CACTIN: variants seen among roughly 807,000 people sequenced by gnomAD.
The protein encoded by CACTIN is cactin, spliceosome C complex subunit.
A neutral mutation model predicts 84.9 loss-of-function variants in CACTIN; 20 were observed. The observed-to-expected ratio is 0.24, with a 90% CI of 0.17 to 0.34. The LOEUF (loss-of-function observed/expected upper bound fraction) is 0.34. CACTIN is among the 10% of genes least tolerant of loss of function. CACTIN has a pLI of 1.00. For missense variants in CACTIN, 897 were observed against 1,117.2 expected, an observed-to-expected ratio of 0.80 and a Z score of 2.81; for synonymous variants, 549 against 467.9, an observed-to-expected ratio of 1.17 and a Z score of -2.24.
intron 7 of CACTIN, 62 bp from the exon 8 acceptor site, chr19:3,613,648 C>G (rs1223249917): frequency 4.5e-6 from 7 of 1,546,840 alleles, no homozygotes; most frequent in Non-Finnish European, 6.1e-6. Context: ...CCACCCCCAC[C>G]GAGATTCTCA....
intron 5 of CACTIN, 27 bp from the exon 6 acceptor site, chr19:3,619,016 C>T: frequency 6.5e-7 from 1 of 1,550,070 alleles, no homozygotes; most frequent in Non-Finnish European, 8.7e-7. Flanking sequence ...GGGGTCAGGA[C>T]ACGGGTGTGG....
rs1250012600 is a variant in CACTIN, at chr19:3,612,283, C to T, written c.1917G>A (p.Arg639=). 13 of 1,612,948 alleles carry T rather than the reference C, an allele frequency of 8.1e-6. No individual in the cohort carries two copies. The highest frequency in any genetic ancestry group is 1.1e-5 in the Non-Finnish European group (13 of 1,179,904). Residue 639 remains arginine, a synonymous_variant, in exon 10 of 10, where the codon CGG becomes CGA. Transcript: ENST00000429344. ...GGTTGAAGAAGCGCGGCTTGCGTGG[C>T]CGGTACTTGTCGGCCCACAGGTAGG... ...GKAYLWADKY[R]PRKPRFFNRV...
intron 2 of CACTIN, among the ~76,000 whole-genome samples, chr19:3,622,360 T>A (rs1446254265): frequency 6.0e-5 from 4 of 66,774 alleles, no homozygotes; most frequent in Non-Finnish European, 9.9e-5. Context: ...TGAGACTCCA[T>A]CTCAAAAAAA....
intron 9 of CACTIN, chr19:3,612,640 G>C (rs1203553737): frequency 3.0e-5 from 22 of 724,964 alleles, no homozygotes; most frequent in Non-Finnish European, 3.8e-5. Flanking sequence ...TCCTGGGTGG[G>C]GACCAAGCGC....
intron 1 of CACTIN, 84 bp from the exon 2 acceptor site, chr19:3,624,246 C>A (rs1260899337): frequency 2.1e-5 from 26 of 1,260,074 alleles, no homozygotes; most frequent in Non-Finnish European, 2.4e-5. Context: ...CGTGGGGGAG[C>A]AGGCACTGTT....
At position 3,614,253 on chromosome 19, in the gene CACTIN, C is replaced by T. The variant is rs113992423; in HGVS notation, c.1355+144G>A. 3.5e-6 allele frequency: 3 copies of T among 868,790 alleles called. No homozygotes were observed. In the African/African-American group the frequency reaches 5.0e-5, roughly 14 times the overall value. 53.8% of individuals were successfully genotyped at this position (868,790 alleles called of 1,614,324 possible). A position where few individuals can be genotyped will look rare whatever the true frequency, so the allele number is the denominator to read the frequency against. On this transcript the variant is annotated intron_variant, in intron 7 of 9. Coordinates refer to ENST00000429344, the MANE Select transcript of CACTIN (RefSeq NM_001080543.2). Reference sequence around the variant, plus strand: ...CCCCCTTCGTCACTCACAGGCTGGCCCCGGCCAGTCGGCACTTTCCTGCCC... The same window carrying T: ...CCCCCTTCGTCACTCACAGGCTGGCTCCGGCCAGTCGGCACTTTCCTGCCC...
At chr19:3,613,802 A>T in intron 7 of CACTIN, 1 of 608,340 alleles carries the variant, frequency 1.6e-6, no homozygotes, top group Non-Finnish European at 2.8e-6. Flanking sequence ...GAACCATCCC[A>T]TGGCAGGGAG....
At chr19:3,614,171 G>A (rs1476347964) in intron 7 of CACTIN, among the ~76,000 whole-genome samples, 1 of 152,156 alleles carries the variant, frequency 6.6e-6, no homozygotes, top group Non-Finnish European at 1.5e-5. Context: ...TCCAGGTGAG[G>A]GCACTGGAGC....
chr19:3,623,506 G>C (rs2033268051), intron 2 of CACTIN, among the ~76,000 whole-genome samples, 182 bp downstream of exon 2: 1 of 152,236 alleles, frequency 6.6e-6, no homozygotes, highest in African/African-American at 2.4e-5. Context: ...TCCAGCCTGG[G>C]CGACAGAGCG....
chr19:3,618,322 A>G (rs2033149906), intron 6 of CACTIN, among the ~76,000 whole-genome samples: 1 of 152,132 alleles, frequency 6.6e-6, no homozygotes, highest in Non-Finnish European at 1.5e-5. Flanking sequence ...AGCAGTGTCC[A>G]GGACGGCCCC....
chr19:3,612,520 A>G, intron 9 of CACTIN, 107 bp from the exon 10 acceptor site: 1 of 1,431,990 alleles, frequency 7.0e-7, no homozygotes, highest in Non-Finnish European at 9.2e-7. Flanking sequence ...GCAAAAGGAA[A>G]ACAGGCTGGG....
At chr19:3,618,428 G>A (rs567333392) in intron 6 of CACTIN, among the ~76,000 whole-genome samples, 1 of 152,220 alleles carries the variant, frequency 6.6e-6, no homozygotes, top group South Asian at 2.1e-4. Context: ...ACACGGAGGG[G>A]GGGGAAACGT....
At chr19:3,616,403 G>T (rs1185770376) in intron 6 of CACTIN, 1 of 152,204 alleles carries the variant, frequency 6.6e-6, no homozygotes, top group African/African-American at 2.4e-5. Context: ...GAGGTCAGGA[G>T]ATCAAGACCA....
In CACTIN at chr19:3,618,069, C is replaced by T. The variant is rs56695698; in HGVS notation, c.1162+806G>A. ...AGGGAGGGCAGGGGAAGGACCGGGT[C>T]TATCGACAGGGATGCGTGGCCCATG... On this transcript the variant is annotated intron_variant, in intron 6 of 9. Coordinates refer to ENST00000429344, the MANE Select transcript of CACTIN (RefSeq NM_001080543.2). 1.0e-3 allele frequency among the ~76,000 whole-genome samples: 155 copies of T among 151,956 alleles called. 1 individual carries two copies. Among genetic ancestry groups the T allele is most frequent in the African/African-American group, 2.9e-3 (120 of 41,384 alleles).
At chr19:3,620,971 C>G (rs2033211681) in intron 2 of CACTIN, 169 bp from the exon 3 acceptor site, 2 of 702,006 alleles carry the variant, frequency 2.8e-6, no homozygotes, top group Admixed American at 2.0e-5. Context: ...CCCAGTGCAT[C>G]CAATTCAGTG....
intron 2 of CACTIN, among the ~76,000 whole-genome samples, chr19:3,623,267 C>G (rs536802618): frequency 6.8e-6 from 1 of 146,540 alleles, no homozygotes; most frequent in Admixed American, 6.8e-5. Context: ...TGGTGGCTCA[C>G]GCCTGTAATC....
At chr19:3,621,455 G>C (rs1177207834) in intron 2 of CACTIN, among the ~76,000 whole-genome samples, 1 of 152,212 alleles carries the variant, frequency 6.6e-6, no homozygotes, top group African/African-American at 2.4e-5. Flanking sequence ...CGCCATGAGG[G>C]GGTTCCAGGA....
intron 7 of CACTIN, chr19:3,614,059 C>T (rs1376570272): frequency 4.1e-6 from 2 of 492,384 alleles, no homozygotes; most frequent in Non-Finnish European, 7.4e-6. Context: ...GACAGGCAGG[C>T]CGCCTGGGGG....
chr19:3,619,218 C>G lies in CACTIN; in HGVS notation c.909G>C (p.Gly303=), dbSNP rs781611144. The change falls in exon 5 of 10, where the codon GGG becomes GGC. Residue 303 remains glycine, a synonymous_variant. Coordinates refer to ENST00000429344, the MANE Select transcript of CACTIN (RefSeq NM_001080543.2). ...KLRSKIRIRD[G]RAKPIDLLAK... Reference sequence around the variant, plus strand: ...CCAGCAGGTCGATGGGCTTGGCCCGCCCGTCCCGGATGCGGATCTTGGAAC... The same window carrying G: ...CCAGCAGGTCGATGGGCTTGGCCCGGCCGTCCCGGATGCGGATCTTGGAAC... 1 of 1,613,492 alleles carries G rather than the reference C, an allele frequency of 6.2e-7. No homozygotes were observed. Among genetic ancestry groups the G allele is most frequent in the Admixed American group, 1.7e-5 (1 of 59,994 alleles).
Sources: gnomAD v4.1 joint callset for allele counts (sites outside exome capture counted in the v4.1 genomes callset) on GRCh38, gnomAD v4.1.1 for gene constraint, MANE v1.5 for transcripts, NCBI Gene and HGNC (gene_info 2026-07-23, HGNC 2026-07-21) for gene names.